Variants in TRIP12 observed in about 807,000 individuals in gnomAD.
The protein encoded by TRIP12 is thyroid hormone receptor interactor 12.
A neutral mutation model predicts 244.2 loss-of-function variants in TRIP12; 25 were observed. The ratio of observed to expected loss-of-function variants is 0.10; its 90% CI spans 0.07 to 0.14. The LOEUF (loss-of-function observed/expected upper bound fraction) is 0.14, where lower values mean the gene tolerates loss of function less well. Ranked by LOEUF, TRIP12 falls within the 10% of genes least tolerant of loss-of-function variation. TRIP12 has a pLI of 1.00. For missense variants in TRIP12, 1,677 were observed against 2,486.4 expected, an observed-to-expected ratio of 0.67 and a Z score of 6.92; for synonymous variants, 905 against 873.1, an observed-to-expected ratio of 1.04 and a Z score of -0.64.
Position 229,766,984 on chromosome 2 carries a change from G to A in TRIP12, c.*570C>T, listed in dbSNP as rs1204418505. On this transcript the variant is annotated 3_prime_UTR_variant, in exon 42 of 42. Coordinates refer to ENST00000675903, the MANE Select transcript of TRIP12 (RefSeq NM_001348323.3). ...GGGACAACAGAAGCCCATGGGTAAC[G>A]AAAATTTGAGAACTGTGAGTTGTAT... is the stretch of plus-strand genomic sequence containing the variant. 3.3e-5 allele frequency: 5 copies of A among 151,940 alleles called. No individual in the cohort carries two copies. The highest frequency in any genetic ancestry group is 1.2e-4 in the African/African-American group (5 of 41,358). The allele number at this position is 151,940 out of a possible 1,614,324, so 9.4% of individuals were successfully genotyped here. A position where few individuals can be genotyped will look rare whatever the true frequency, so the allele number is the denominator to read the frequency against.
rs573433340 is a variant in TRIP12, at chr2:229,900,080, A to G, written c.-49-19952T>C. On this transcript the variant is annotated intron_variant, in intron 1 of 41. Coordinates refer to ENST00000675903, the MANE Select transcript of TRIP12 (RefSeq NM_001348323.3). ...AACACAGTTGCACAAAATAACTTCA[A>G]AGTTTTTAAGGAGAGATTCTTGAGA... Among the ~76,000 whole-genome samples the G allele has an allele frequency of 5.9e-5, 9 of 152,336 alleles. 1 individual carries two copies. In the East Asian group the frequency reaches 1.7e-3, roughly 29 times the overall value.
intron 38 of TRIP12, 133 bp downstream of exon 38, chr2:229,773,964 G>T: frequency 2.4e-6 from 2 of 832,520 alleles, no homozygotes; most frequent in Non-Finnish European, 3.8e-6. Context: ...GCCTTGTAAA[G>T]CAGCCTTCAT....
At chr2:229,800,878 A>G (rs533804216) in intron 21 of TRIP12, among the ~76,000 whole-genome samples, 1 of 152,272 alleles carries the variant, frequency 6.6e-6, no homozygotes, top group Admixed American at 6.5e-5. Context: ...AGCCTGAGAA[A>G]CAGAGCAAGA....
intron 33 of TRIP12, 110 bp downstream of exon 33, chr2:229,787,395 A>G: frequency 8.8e-7 from 1 of 1,141,804 alleles, no homozygotes. Flanking sequence ...CTAGCTGAAT[A>G]TGACCAAGGC....
At chr2:229,818,343 A>AG (rs758349693) in intron 9 of TRIP12, 21 bp downstream of exon 9, 2 of 1,610,962 alleles carry the variant, frequency 1.2e-6, no homozygotes, top group Non-Finnish European at 1.7e-6. Flanking sequence ...GGTAAAAACG[A>AG]GGGAAAAACA....
At chr2:229,897,424 G>A (rs2154366738) in intron 1 of TRIP12, among the ~76,000 whole-genome samples, 1 of 152,280 alleles carries the variant, frequency 6.6e-6, no homozygotes, top group East Asian at 1.9e-4. Context: ...AAGGTGGGAG[G>A]ATTATTTGAG....
At chr2:229,822,384 T>C (rs2050304036) in intron 8 of TRIP12, among the ~76,000 whole-genome samples, 1 of 152,210 alleles carries the variant, frequency 6.6e-6, no homozygotes. Context: ...TGCTCAACTA[T>C]TCAAATCTGA....
chr2:229,821,593 C>T (rs1326987955), intron 8 of TRIP12, among the ~76,000 whole-genome samples: 1 of 152,116 alleles, frequency 6.6e-6, no homozygotes, highest in African/African-American at 2.4e-5. Context: ...GAAATTTGAT[C>T]TGCATTTAAT....
chr2:229,769,347 A>C, intron 39 of TRIP12, 22 bp from the exon 40 acceptor site: 1 of 1,610,192 alleles, frequency 6.2e-7, no homozygotes. Flanking sequence ...AATAAGGGTA[A>C]AAAGAATTAC....
intron 7 of TRIP12, among the ~76,000 whole-genome samples, chr2:229,829,976 T>C (rs142985791): frequency 7.2e-4 from 110 of 152,260 alleles, no homozygotes; most frequent in African/African-American, 2.4e-3. Flanking sequence ...AAAAACTATG[T>C]GTTCCTGAGA....
chr2:229,771,094 C>CT (rs1199757783), intron 39 of TRIP12, among the ~76,000 whole-genome samples: 1 of 152,202 alleles, frequency 6.6e-6, no homozygotes, highest in Non-Finnish European at 1.5e-5. Flanking sequence ...ATAATACTTT[C>CT]TTAAAACTTC....
At chr2:229,847,118 CAAGGA>C (rs1303083785) in intron 4 of TRIP12, among the ~76,000 whole-genome samples, 1 of 152,116 alleles carries the variant, frequency 6.6e-6, no homozygotes, top group East Asian at 1.9e-4. Context: ...AGTGACTTAA[CAAGGA>C]AAGAGTGGTG....
At chr2:229,873,007 G>A (rs2062957035) in intron 2 of TRIP12, among the ~76,000 whole-genome samples, 1 of 152,126 alleles carries the variant, frequency 6.6e-6, no homozygotes, top group Admixed American at 6.5e-5. Context: ...TACAAAGGGA[G>A]ATTAATAACA....
intron 6 of TRIP12, among the ~76,000 whole-genome samples, chr2:229,835,421 T>G (rs1200554317): frequency 6.6e-6 from 1 of 152,180 alleles, no homozygotes; most frequent in African/African-American, 2.4e-5. Flanking sequence ...ATTCCAGCCT[T>G]CAATTATATA....
At chr2:229,838,544 A>G (rs907885129) in intron 5 of TRIP12, among the ~76,000 whole-genome samples, 1 of 152,202 alleles carries the variant, frequency 6.6e-6, no homozygotes, top group African/African-American at 2.4e-5. Context: ...ATCGTTGAGT[A>G]GAAGGAGAGA....
intron 1 of TRIP12, among the ~76,000 whole-genome samples, chr2:229,887,190 G>A (rs1269813459): frequency 6.6e-6 from 1 of 152,096 alleles, no homozygotes; most frequent in Non-Finnish European, 1.5e-5. Flanking sequence ...CAGCTTAGCT[G>A]GCCAATCATT....
intron 1 of TRIP12, among the ~76,000 whole-genome samples, chr2:229,905,218 G>A (rs1393997541): frequency 2.0e-5 from 3 of 151,028 alleles, no homozygotes; most frequent in Non-Finnish European, 4.4e-5. Flanking sequence ...ACGTTGCGGT[G>A]AGCCGAGATC....
chr2:229,879,760 G>GAT (rs2064426208), intron 2 of TRIP12, among the ~76,000 whole-genome samples: 1 of 152,188 alleles, frequency 6.6e-6, no homozygotes, highest in Non-Finnish European at 1.5e-5. Flanking sequence ...TGAGGTGTCT[G>GAT]ATCATGTCAG....
At chr2:229,903,333 A>G (rs557033883) in intron 1 of TRIP12, among the ~76,000 whole-genome samples, 4 of 152,284 alleles carry the variant, frequency 2.6e-5, no homozygotes, top group African/African-American at 9.6e-5. Flanking sequence ...CAATCTGTTT[A>G]AGGCCTTGTT....
Sources: gnomAD v4.1 joint callset for allele counts (sites outside exome capture counted in the v4.1 genomes callset) on GRCh38, gnomAD v4.1.1 for gene constraint, MANE v1.5 for transcripts, NCBI Gene and HGNC (gene_info 2026-07-23, HGNC 2026-07-21) for gene names.